FBRS: variants seen among roughly 807,000 people sequenced by gnomAD.
FBRS encodes the protein probable fibrosin-1.
In FBRS, 15 loss-of-function variants were observed where a neutral mutation model predicts 86.1. That is an observed-to-expected ratio of 0.17 (90% CI 0.12 to 0.27). The LOEUF (loss-of-function observed/expected upper bound fraction) is 0.27, where lower values mean the gene tolerates loss of function less well. Ranked by LOEUF, FBRS falls within the 10% of genes least tolerant of loss-of-function variation. FBRS has a pLI of 1.00. For missense variants in FBRS, 1,367 were observed against 1,301.6 expected (o/e 1.05, Z -0.77); for synonymous variants, 666 against 575.8 (o/e 1.16, Z -2.24).
Position 30,669,880 on chromosome 16 carries a change from G to A in FBRS, c.*235G>A. On this transcript the variant is annotated 3_prime_UTR_variant, in exon 18 of 18. Transcript: ENST00000356166. The surrounding 1 kb of genome is among the most constrained non-coding windows in gnomAD (Gnocchi z 5.9). ...CTCTAGAGAAGGGAGAGGGGCGTGTGCATGGGAGTGTGGCTCATCTCGGGG... is the reference window on the plus strand; with the variant it reads ...CTCTAGAGAAGGGAGAGGGGCGTGTACATGGGAGTGTGGCTCATCTCGGGG... 1.6e-6 allele frequency: 1 copy of A among 630,506 alleles called. No homozygotes were observed. The highest frequency in any genetic ancestry group is 2.7e-6 in the Non-Finnish European group (1 of 366,642). The allele number at this position is 630,506 out of a possible 1,614,324, so 39.1% of individuals were successfully genotyped here.
chr16:30,666,507 C>T lies in FBRS; in HGVS notation c.1774-5C>T. 6.2e-7 allele frequency: 1 copy of T among 1,614,024 alleles called. No individual in the cohort carries two copies. Among genetic ancestry groups the T allele is most frequent in the African/African-American group, 1.3e-5 (1 of 75,060 alleles). On this transcript the variant is annotated splice_polypyrimidine_tract_variant and splice_region_variant and intron_variant, in intron 11 of 17. Coordinates refer to ENST00000356166, the MANE Select transcript of FBRS (RefSeq NM_001105079.3). ...CGCCTCCCATCTCTCCTTTGCCATC[C>T]CCAGATCCCCGACCATTTCCGGCCA...
chr16:30,661,096 C>A (rs1043096306), intron 2 of FBRS, 84 bp from the exon 3 acceptor site: 4 of 1,545,530 alleles, frequency 2.6e-6, no homozygotes, highest in Non-Finnish European at 3.5e-6. Flanking sequence ...TCCTGGAGGC[C>A]CATGAGCGCC....
chr16:30,659,856 A>T lies in FBRS; in HGVS notation c.338A>T (p.Glu113Val). The change falls in exon 1 of 18, where the codon GAG becomes GTG. Residue 113 changes from glutamate to valine, a missense_variant. By Grantham distance (121) the Glu-to-Val change is moderately radical. Transcript: ENST00000356166. ...CGCGGGGAGGAAGAGGAGGAGGAGG[A>T]GGAGGAGGGGGGCGCAGACGACGGC... ...GSRGEEEEEE[E>V]EEGGADDGEA... 1 of 1,538,552 alleles carries T rather than the reference A, an allele frequency of 6.5e-7. No homozygotes were observed. The highest frequency in any genetic ancestry group is 1.2e-5 in the South Asian group (1 of 83,922).
chr16:30,665,120 G>A lies in FBRS; in HGVS notation c.1608+41G>A. 8 of 1,600,486 alleles carry A rather than the reference G, an allele frequency of 5.0e-6. No individual in the cohort carries two copies. Among genetic ancestry groups the A allele is most frequent in the Non-Finnish European group, 6.8e-6 (8 of 1,174,724 alleles). On this transcript the variant is annotated intron_variant, in intron 9 of 17. Transcript: ENST00000356166. This position sits in a 1 kb window ranked among gnomAD's most constrained non-coding sequence, Gnocchi z 4.1. ...CGTGTGCGTATGGGGTGTGTGGTGTGGGCGTGGATGCATCCATGCTTGTGA... is the reference window on the plus strand; with the variant it reads ...CGTGTGCGTATGGGGTGTGTGGTGTAGGCGTGGATGCATCCATGCTTGTGA...
At position 30,669,677 on chromosome 16, in the gene FBRS, A is replaced by G. The variant is rs2052574100; in HGVS notation, c.*32A>G. 1.9e-6 allele frequency: 3 copies of G among 1,554,366 alleles called. No individual in the cohort carries two copies. The highest frequency in any genetic ancestry group is 2.6e-6 in the Non-Finnish European group (3 of 1,157,698). On this transcript the variant is annotated 3_prime_UTR_variant, in exon 18 of 18. Transcript: ENST00000356166. This position sits in a 1 kb window ranked among gnomAD's most constrained non-coding sequence, Gnocchi z 5.9. ...CGGGGGGGGGTCGGGGCAAAGCTCC[A>G]TCTCCCCTTCCTTTAACCAGGTCCT...
In FBRS at chr16:30,664,343, C is replaced by A; in HGVS notation, c.1184C>A (p.Thr395Lys). Residue 395 changes from threonine (T) to lysine (K), a missense_variant, in exon 7 of 18, where the codon ACG (threonine) becomes AAG (lysine). Physicochemically the swap from Thr to Lys is moderately conservative, Grantham distance 78. Around this residue, in one of 3 missense-constraint regions of FBRS, gnomAD observed 702 missense variants for 598.7 expected, o/e 1.17. Coordinates refer to ENST00000356166, the MANE Select transcript of FBRS (RefSeq NM_001105079.3). ...SSAQLTHRPP[T>K]PSLPLPLSTH... ...GCGCAGCTCACCCACCGGCCCCCGA[C>A]GCCCTCACTGCCCCTGCCTTTGTCC... 1 of 1,541,540 alleles carries A rather than the reference C, an allele frequency of 6.5e-7. No individual in the cohort carries two copies.
At chr16:30,660,465 T>C in intron 2 of FBRS, 23 bp downstream of exon 2, 2 of 1,256,548 alleles carry the variant, frequency 1.6e-6, no homozygotes, top group Non-Finnish European at 2.0e-6. Flanking sequence ...CTTAAAACTC[T>C]TTAGGCAGAA....
At chr16:30,661,661 G>C (rs2052463228) in intron 4 of FBRS, among the ~76,000 whole-genome samples, 1 of 152,140 alleles carries the variant, frequency 6.6e-6, no homozygotes, top group South Asian at 2.1e-4. Context: ...TCCCATCTTA[G>C]AATGAAGATC....
Position 30,665,546 on chromosome 16 carries a change from A to T in FBRS, c.1705-92A>T. 1 of 1,476,932 alleles carries T rather than the reference A, an allele frequency of 6.8e-7. No homozygotes were observed. The highest frequency in any genetic ancestry group is 9.3e-7 in the Non-Finnish European group (1 of 1,079,184). The allele number at this position is 1,476,932 out of a possible 1,614,324, so 91.5% of individuals were successfully genotyped here. On this transcript the variant is annotated intron_variant, in intron 10 of 17. Coordinates refer to ENST00000356166, the MANE Select transcript of FBRS (RefSeq NM_001105079.3). The surrounding 1 kb of genome is among the most constrained non-coding windows in gnomAD (Gnocchi z 4.1). ...GCACCCAGTTTTCTCCAAAGCCATGATCCCTCCCTGCCCAGTGTCCCAGCT... is the reference window on the plus strand; with the variant it reads ...GCACCCAGTTTTCTCCAAAGCCATGTTCCCTCCCTGCCCAGTGTCCCAGCT...
chr16:30,668,736 T>G, intron 16 of FBRS, 36 bp from the exon 17 acceptor site: 1 of 1,588,236 alleles, frequency 6.3e-7, no homozygotes, highest in Non-Finnish European at 8.6e-7. Flanking sequence ...CTCCCACTTC[T>G]GGCCCCTGTC....
At position 30,664,293 on chromosome 16, in the gene FBRS, C is replaced by T; in HGVS notation, c.1134C>T (p.Ser378=). 1 of 1,530,700 alleles carries T rather than the reference C, an allele frequency of 6.5e-7. No homozygotes were observed. The highest frequency in any genetic ancestry group is 8.8e-7 in the Non-Finnish European group (1 of 1,134,268). The allele number at this position is 1,530,700 out of a possible 1,614,324, so 94.8% of individuals were successfully genotyped here. Residue 378 remains serine, a synonymous_variant, in exon 7 of 18, where the codon TCC becomes TCT. Transcript: ENST00000356166. ...CCTCATCATCCTCTTCGTCCTCCTC[C>T]TCCTCATCTGCCTCCTCCTCGTCCG... ...PPPSSSSSSS[S]SSSASSSSAQ... is the part of the protein sequence containing the mutation.
chr16:30,661,431 TGA>T, intron 4 of FBRS, 98 bp downstream of exon 4: 1 of 1,544,498 alleles, frequency 6.5e-7, no homozygotes, highest in Non-Finnish European at 8.8e-7. Flanking sequence ...TTCCCTTGAG[TGA>T]GAAACATGGC....
intron 15 of FBRS, 56 bp from the exon 16 acceptor site, chr16:30,668,504 G>T (rs937118267): frequency 6.6e-7 from 1 of 1,524,550 alleles, no homozygotes; most frequent in South Asian, 1.1e-5. Context: ...GCCAGGCCTG[G>T]TGCCTGCTCA....
chr16:30,664,668 G>A, intron 7 of FBRS, 47 bp from the exon 8 acceptor site: 3 of 1,464,802 alleles, frequency 2.0e-6, no homozygotes, highest in Non-Finnish European at 2.7e-6. Flanking sequence ...GCCCAAGGAG[G>A]CTGATGTGGC....
rs750474137 is a variant in FBRS, at chr16:30,669,660, G to A, written c.*15G>A. ...CTGACAGGTGAGGGGAACGGGGGGGGGTCGGGGCAAAGCTCCATCTCCCCT... is the reference window on the plus strand; with the variant it reads ...CTGACAGGTGAGGGGAACGGGGGGGAGTCGGGGCAAAGCTCCATCTCCCCT... On this transcript the variant is annotated 3_prime_UTR_variant, in exon 18 of 18. Transcript: ENST00000356166. The surrounding 1 kb of genome is among the most constrained non-coding windows in gnomAD (Gnocchi z 5.9). 1.9e-6 allele frequency: 3 copies of A among 1,576,814 alleles called. No homozygotes were observed. Among genetic ancestry groups the A allele is most frequent in the African/African-American group, 1.4e-5 (1 of 73,866 alleles).
rs2052539396 is a variant in FBRS, at chr16:30,667,631, C to T, written c.2074+9C>T. On this transcript the variant is annotated intron_variant, in intron 15 of 17. Coordinates refer to ENST00000356166, the MANE Select transcript of FBRS (RefSeq NM_001105079.3). ...CCCCAGCACCCACATTGGTAAGAGC[C>T]AAGGGCGTGTTGGGCAACCCAGGCT... 1 of 1,499,430 alleles carries T rather than the reference C, an allele frequency of 6.7e-7. No homozygotes were observed. Among genetic ancestry groups the T allele is most frequent in the South Asian group, 1.3e-5 (1 of 75,688 alleles). 92.9% of individuals were successfully genotyped at this position (1,499,430 alleles called of 1,614,324 possible).
chr16:30,667,120 T>C (rs2052532450), intron 13 of FBRS, 130 bp downstream of exon 13: 1 of 1,049,638 alleles, frequency 9.5e-7, no homozygotes, highest in Admixed American at 2.0e-5. Flanking sequence ...CCATCACTGC[T>C]GAACAGTTCT....
rs532855353 is a variant in FBRS at position 30,664,133 on chromosome 16, G to A, written c.1056-82G>A. Reference sequence around the variant, plus strand: ...TCCCGTGTTGGAGAACCAGGGTCACGGTATCACCCAGGCTTCTGACCCCCT... The same window carrying A: ...TCCCGTGTTGGAGAACCAGGGTCACAGTATCACCCAGGCTTCTGACCCCCT... On this transcript the variant is annotated intron_variant, in intron 6 of 17. Coordinates refer to ENST00000356166, the MANE Select transcript of FBRS (RefSeq NM_001105079.3). 130 of 1,286,274 alleles carry A rather than the reference G, an allele frequency of 1.0e-4. No homozygotes were observed. In the African/African-American group the frequency reaches 1.3e-3, roughly 13 times the overall value. The allele number at this position is 1,286,274 out of a possible 1,614,324, so 79.7% of individuals were successfully genotyped here.
chr16:30,666,950 G>A lies in FBRS; in HGVS notation c.1835G>A (p.Arg612His), dbSNP rs572659814. The change falls in exon 13 of 18, where the codon CGT (arginine) becomes CAT (histidine). Residue 612 changes from arginine (R) to histidine (H), a missense_variant. Coordinates refer to ENST00000356166, the MANE Select transcript of FBRS (RefSeq NM_001105079.3). ...KPGKWCAMHV[R>H]VAYMILRHQE... ...GGGAAGTGGTGTGCCATGCACGTGC[G>A]TGTGGCTTACATGATCCTGAGACAC... 60 of 1,612,638 alleles carry A rather than the reference G, an allele frequency of 3.7e-5. No homozygotes were observed. Among genetic ancestry groups the A allele is most frequent in the East Asian group, 8.9e-5 (4 of 44,854 alleles).
Sources: gnomAD v4.1 joint callset for allele counts (sites outside exome capture counted in the v4.1 genomes callset) on GRCh38, gnomAD v4.1.1 for gene constraint, gnomAD v4.1.1 regional missense constraint, Gnocchi (gnomAD v3.1) non-coding constraint, MANE v1.5 for transcripts, NCBI Gene and HGNC (gene_info 2026-07-23, HGNC 2026-07-21) for gene names.